ZNF236: variants seen among roughly 807,000 people sequenced by gnomAD.
The protein encoded by ZNF236 is zinc finger protein 236.
ZNF236 carries 50 observed loss-of-function variants against 191.2 expected under a neutral mutation model. The ratio of observed to expected loss-of-function variants is 0.26; its 90% CI spans 0.21 to 0.33. The LOEUF is 0.33. ZNF236 is among the 10% of genes least tolerant of loss of function. ZNF236 has a pLI of 1.00. For synonymous variants in ZNF236, 907 were observed against 928.8 expected (o/e 0.98, Z 0.43); for missense variants, 1,754 against 2,374.5 (o/e 0.74, Z 5.43).
intron 14 of ZNF236, among the ~76,000 whole-genome samples, chr18:76,909,815 GCA>G (rs1967168575): frequency 6.6e-6 from 1 of 152,200 alleles, no homozygotes; most frequent in East Asian, 1.9e-4. Context: ...GAATGTAATA[GCA>G]TTTTAGAATA....
chr18:76,902,201 G>A (rs1391434291), intron 11 of ZNF236, among the ~76,000 whole-genome samples: 1 of 152,180 alleles, frequency 6.6e-6, no homozygotes, highest in African/African-American at 2.4e-5. Context: ...GTAAAATATT[G>A]TAACTATGTC....
At chr18:76,965,210 AG>A (rs796490742) in intron 30 of ZNF236, among the ~76,000 whole-genome samples, 1 of 152,146 alleles carries the variant, frequency 6.6e-6, no homozygotes, top group South Asian at 2.1e-4. Context: ...CATTTCTATA[AG>A]TATGTCTATT....
chr18:76,882,087 A>G (rs192568142), intron 9 of ZNF236, among the ~76,000 whole-genome samples: 49 of 152,320 alleles, frequency 3.2e-4, no homozygotes, highest in African/African-American at 1.2e-3. Context: ...TTCTAGGCAC[A>G]AACTTATTAG....
At chr18:76,897,252 T>A (rs1034725498) in intron 10 of ZNF236, among the ~76,000 whole-genome samples, 4 of 150,058 alleles carry the variant, frequency 2.7e-5, no homozygotes, top group African/African-American at 9.9e-5. Flanking sequence ...TGCCCACTGG[T>A]ACCTCATATA....
chr18:76,956,621 C>G (rs1968531924), intron 28 of ZNF236, among the ~76,000 whole-genome samples: 1 of 152,182 alleles, frequency 6.6e-6, no homozygotes, highest in African/African-American at 2.4e-5. Flanking sequence ...TGAAGATGCC[C>G]CTCCAGCCTC....
At chr18:76,894,976 G>T in intron 9 of ZNF236, 37 bp from the exon 10 acceptor site, 1 of 1,599,374 alleles carries the variant, frequency 6.3e-7, no homozygotes. Flanking sequence ...TAGGCGGGGT[G>T]TCCAGGCCAA....
At chr18:76,844,982 T>C (rs1052152127) in intron 1 of ZNF236, among the ~76,000 whole-genome samples, 6 of 152,330 alleles carry the variant, frequency 3.9e-5, no homozygotes, top group Middle Eastern at 6.8e-3. Context: ...TCCTAAGTTA[T>C]TGGCAGGCCC....
In ZNF236 at chr18:76,925,544, C is replaced by T. The variant is rs995495469; in HGVS notation, c.4017C>T (p.Ala1339=). 2 of 1,612,754 alleles carry T rather than the reference C, an allele frequency of 1.2e-6. No homozygotes were observed. The highest frequency in any genetic ancestry group is 1.3e-5 in the African/African-American group (1 of 75,036). The change falls in exon 22 of 31, where the codon GCC becomes GCT. Residue 1339 remains alanine, a synonymous_variant. Coordinates refer to ENST00000320610, the MANE Select transcript of ZNF236 (RefSeq NM_001306089.2). The surrounding 1 kb of genome is among the most constrained non-coding windows in gnomAD (Gnocchi z 5.7). The stretch of plus-strand genomic sequence containing the variant: ...TGGTGGGCCAAGCTATTCTCCCTGC[C>T]TCTGTGTCAGGTAAACGCTGAGCCG... The part of the protein sequence containing the change: ...PGLVGQAILP[A]SVSAGGDLTV...
intron 26 of ZNF236, among the ~76,000 whole-genome samples, chr18:76,939,287 C>T (rs114666735): frequency 0.047 from 7,149 of 152,170 alleles, 294 homozygotes; most frequent in African/African-American, 0.11. Flanking sequence ...GAGCTGAGAT[C>T]GCACCTCTGT....
intron 5 of ZNF236, among the ~76,000 whole-genome samples, chr18:76,872,582 A>G (rs1441283396): frequency 1.3e-5 from 2 of 152,158 alleles, no homozygotes; most frequent in Non-Finnish European, 2.9e-5. Flanking sequence ...TAATAAAACT[A>G]TTTCTCCATG....
At chr18:76,941,433 G>T (rs974125832) in intron 26 of ZNF236, among the ~76,000 whole-genome samples, 1 of 152,140 alleles carries the variant, frequency 6.6e-6, no homozygotes, top group Non-Finnish European at 1.5e-5. Context: ...CCCCTGCTAC[G>T]CCACGTGGAC....
rs534191592 is a variant in ZNF236 at position 76,862,367 on chromosome 18, C to T, written c.364-6318C>T. Among the ~76,000 whole-genome samples, 21 of 152,278 alleles carry T rather than the reference C, an allele frequency of 1.4e-4. No homozygotes were observed. In the East Asian group the frequency reaches 3.5e-3, roughly 25 times the overall value. Reference sequence around the variant, plus strand: ...AAATGCCAACTGAAAAGCTGCTCAGCGGAGCCGAGTACAGCATTGAACTTC... The same window carrying T: ...AAATGCCAACTGAAAAGCTGCTCAGTGGAGCCGAGTACAGCATTGAACTTC... On this transcript the variant is annotated intron_variant, in intron 3 of 30. Transcript: ENST00000320610.
At position 76,905,199 on chromosome 18, in the gene ZNF236, G is replaced by A. The variant is rs2122742907; in HGVS notation, c.2081G>A (p.Arg694Lys). ...CCTTTTAAATGTTCTCAGTGTGGAAGAGGCTTTGTTTCTGCAGGCGTGCTC... is the reference window on the plus strand; with the variant it reads ...CCTTTTAAATGTTCTCAGTGTGGAAAAGGCTTTGTTTCTGCAGGCGTGCTC... ...EKPFKCSQCG[R>K]GFVSAGVLKA... The change falls in exon 13 of 31, where the codon AGA becomes AAA. Residue 694 changes from arginine (R) to lysine (K), a missense_variant. By Grantham distance (26) the Arg-to-Lys change is conservative. Around this residue, in one of 5 missense-constraint regions of ZNF236, gnomAD observed 641 missense variants for 869.6 expected, o/e 0.74. Transcript: ENST00000320610. 6.2e-7 allele frequency: 1 copy of A among 1,614,056 alleles called. No individual in the cohort carries two copies. Among genetic ancestry groups the A allele is most frequent in the Non-Finnish European group, 8.5e-7 (1 of 1,180,008 alleles).
At chr18:76,955,256 AAGTT>A (rs1245297935) in intron 27 of ZNF236, among the ~76,000 whole-genome samples, 3 of 152,014 alleles carry the variant, frequency 2.0e-5, no homozygotes, top group Non-Finnish European at 4.4e-5. Context: ...AAAAATAAAA[AAGTT>A]AGCTGGGCAT....
chr18:76,951,827 C>G (rs4890783), intron 27 of ZNF236, among the ~76,000 whole-genome samples: 34,021 of 152,080 alleles, frequency 0.22, 4,735 homozygotes, highest in East Asian at 0.32. Context: ...ATGTGTGACT[C>G]TTCGTTTCAC....
intron 2 of ZNF236, among the ~76,000 whole-genome samples, chr18:76,851,031 T>C (rs1046806441): frequency 7.6e-5 from 11 of 143,890 alleles, no homozygotes; most frequent in Middle Eastern, 3.6e-3. Context: ...TTCTTTCTTT[T>C]TTTTTTTTTA....
rs1465456480 is a variant in ZNF236, at chr18:76,972,321, C to A, written c.*3982C>A. The stretch of plus-strand genomic sequence containing the variant: ...TTCCTAGCAGAGACATGTTCTTTGT[C>A]ATGGTGTGGCTTGCCACAACATGTC... On this transcript the variant is annotated 3_prime_UTR_variant, in exon 31 of 31. Transcript: ENST00000320610. 6.6e-6 allele frequency among the ~76,000 whole-genome samples: 1 copy of A among 152,214 alleles called. No individual in the cohort carries two copies. Among genetic ancestry groups the A allele is most frequent in the Non-Finnish European group, 1.5e-5 (1 of 68,046 alleles).
chr18:76,882,801 C>T (rs1791534371), intron 9 of ZNF236, among the ~76,000 whole-genome samples: 1 of 152,176 alleles, frequency 6.6e-6, no homozygotes, highest in South Asian at 2.1e-4. Context: ...TGGTATCTGG[C>T]AGGGCAGGAA....
chr18:76,912,229 T>C lies in ZNF236; in HGVS notation c.2806-15T>C. On this transcript the variant is annotated splice_polypyrimidine_tract_variant and intron_variant, in intron 16 of 30. Coordinates refer to ENST00000320610, the MANE Select transcript of ZNF236 (RefSeq NM_001306089.2). ...ATATTCAAGTAGTTTGCTTTATACT[T>C]CTCTTAAATTTTAGACAACTCGCTT... The C allele has an allele frequency of 6.2e-7, 1 of 1,603,838 alleles. No individual in the cohort carries two copies. The highest frequency in any genetic ancestry group is 8.5e-7 in the Non-Finnish European group (1 of 1,171,350).
Sources: gnomAD v4.1 joint callset for allele counts (sites outside exome capture counted in the v4.1 genomes callset) on GRCh38, gnomAD v4.1.1 for gene constraint, gnomAD v4.1.1 regional missense constraint, Gnocchi (gnomAD v3.1) non-coding constraint, MANE v1.5 for transcripts, NCBI Gene and HGNC (gene_info 2026-07-23, HGNC 2026-07-21) for gene names.